Variants in PDE4D observed in about 807,000 individuals in gnomAD.
The protein encoded by PDE4D is phosphodiesterase 4D, also known as 3',5'-cyclic-AMP phosphodiesterase 4D.
Under a neutral mutation model 87.4 loss-of-function variants are expected in PDE4D, and 24 were observed. The ratio of observed to expected loss-of-function variants is 0.27; its 90% CI spans 0.20 to 0.39. PDE4D has a LOEUF of 0.39. Ranked by LOEUF, PDE4D falls within the 10% of genes least tolerant of loss-of-function variation. The pLI is 1.00. For missense variants in PDE4D, 714 were observed against 1,041.0 expected, an observed-to-expected ratio of 0.69 and a Z score of 4.32; for synonymous variants, 384 against 383.2, an observed-to-expected ratio of 1.00 and a Z score of -0.02.
At chr5:60,336,144 C>G (rs1036436191) in intron 1 of PDE4D, among the ~76,000 whole-genome samples, 63 of 152,190 alleles carry the variant, frequency 4.1e-4, no homozygotes, top group African/African-American at 1.5e-3. Context: ...TGCTTTAAAA[C>G]AGAAAGGTAA....
At chr5:59,496,889 C>T (rs1336708198) in intron 1 of PDE4D, among the ~76,000 whole-genome samples, 2 of 152,132 alleles carry the variant, frequency 1.3e-5, no homozygotes, top group Non-Finnish European at 2.9e-5. Context: ...TGAAGGCAAA[C>T]GCGCTGAAGG....
chr5:59,847,074 A>G (rs1259982996), intron 1 of PDE4D, among the ~76,000 whole-genome samples: 1 of 152,002 alleles, frequency 6.6e-6, no homozygotes, highest in Non-Finnish European at 1.5e-5. Context: ...TATGAACTCC[A>G]TGGGTGAGAG....
chr5:58,992,835 G>C (rs1028723113), intron 7 of PDE4D, among the ~76,000 whole-genome samples: 2 of 152,106 alleles, frequency 1.3e-5, no homozygotes, highest in African/African-American at 4.8e-5. Context: ...TCAAATTACT[G>C]ACCTTTATTT....
intron 1 of PDE4D, among the ~76,000 whole-genome samples, chr5:60,225,285 C>T (rs958350670): frequency 7.9e-5 from 12 of 152,022 alleles, no homozygotes; most frequent in African/African-American, 2.7e-4. Flanking sequence ...AATTTTCTTA[C>T]TTGCCTCGTA....
rs530456488 is a variant in PDE4D at position 60,071,409 on chromosome 5, A to T, written c.43-82692T>A. Among the ~76,000 whole-genome samples the T allele has an allele frequency of 2.6e-5, 4 of 152,258 alleles. No homozygotes were observed. In the South Asian group the frequency reaches 8.3e-4, roughly 32 times the overall value. The stretch of plus-strand genomic sequence containing the variant: ...TTGCCACATTAAAAGCTGCCAAATT[A>T]AATTAAGACTTAATTTGCCTTCTGT... On this transcript the variant is annotated intron_variant, in intron 2 of 16. Coordinates refer to the PDE4D transcript ENST00000502484.
At chr5:59,092,545 G>A (rs1768927693) in intron 5 of PDE4D, among the ~76,000 whole-genome samples, 1 of 131,668 alleles carries the variant, frequency 7.6e-6, no homozygotes, top group African/African-American at 2.7e-5. Context: ...TAATGGACAT[G>A]AAAAATGATT....
At chr5:60,069,004 C>G (rs994485761) in intron 2 of PDE4D, among the ~76,000 whole-genome samples, 1 of 152,130 alleles carries the variant, frequency 6.6e-6, no homozygotes, top group East Asian at 1.9e-4. Flanking sequence ...ATCTTTAAGC[C>G]ATTTCAAGTT....
chr5:60,090,533 A>G (rs887267581), intron 2 of PDE4D, among the ~76,000 whole-genome samples: 1 of 152,164 alleles, frequency 6.6e-6, no homozygotes, highest in Non-Finnish European at 1.5e-5. Context: ...ATACCTCGAA[A>G]CAATAAAGAT....
chr5:59,205,310 T>C (rs1447106841), intron 2 of PDE4D, among the ~76,000 whole-genome samples: 1 of 152,160 alleles, frequency 6.6e-6, no homozygotes, highest in East Asian at 1.9e-4. Flanking sequence ...AATTAACATA[T>C]ATATTGATGG....
rs74383912 is a variant in PDE4D, at chr5:59,645,053, G to T, written c.455+248115C>A. On this transcript the variant is annotated intron_variant, in intron 1 of 14. Coordinates refer to ENST00000340635, the MANE Select transcript of PDE4D (RefSeq NM_001104631.2). ...CATTTGAATTATTGGCTATCAAAAAGAACTTGTGGAGGAGACTTCATAAAA... is the reference window on the plus strand; with the variant it reads ...CATTTGAATTATTGGCTATCAAAAATAACTTGTGGAGGAGACTTCATAAAA... Among the ~76,000 whole-genome samples, 524 of 152,280 alleles carry T rather than the reference G, an allele frequency of 3.4e-3. 4 individuals are homozygous for T. Among genetic ancestry groups the T allele is most frequent in the African/African-American group, 0.012 (507 of 41,552 alleles).
intron 1 of PDE4D, among the ~76,000 whole-genome samples, chr5:60,364,774 T>C (rs1025110799): frequency 7.9e-5 from 12 of 152,324 alleles, no homozygotes; most frequent in African/African-American, 2.9e-4. Context: ...TATTTCTTCT[T>C]AGAAATGTAG....
At chr5:60,116,165 CA>C (rs1778153969) in intron 2 of PDE4D, among the ~76,000 whole-genome samples, 1 of 151,996 alleles carries the variant, frequency 6.6e-6, no homozygotes, top group African/African-American at 2.4e-5. Flanking sequence ...TATGGGAGGG[CA>C]AACGATGGAT....
intron 1 of PDE4D, among the ~76,000 whole-genome samples, chr5:59,345,114 A>G (rs963205580): frequency 1.3e-5 from 2 of 152,204 alleles, no homozygotes; most frequent in African/African-American, 4.8e-5. Context: ...GAAAGAAAAT[A>G]AAGGGAAAAA....
At chr5:59,594,768 T>A (rs1826435292) in intron 1 of PDE4D, among the ~76,000 whole-genome samples, 1 of 152,142 alleles carries the variant, frequency 6.6e-6, no homozygotes, top group South Asian at 2.1e-4. Flanking sequence ...ATGCCAGAGA[T>A]GTTGGAATTA....
chr5:59,572,355 CAT>C lies in PDE4D; in HGVS notation c.455+320811_455+320812del, dbSNP rs536836435. Among the ~76,000 whole-genome samples, 582 of 152,222 alleles carry C rather than the reference CAT, an allele frequency of 3.8e-3. 1 individual carries two copies. The highest frequency in any genetic ancestry group is 5.9e-3 in the Non-Finnish European group (399 of 68,000). Reference sequence around the variant, plus strand: ...AGACATACCATTTTTTAATAAGAAACATATTTTTTATTTGGATTATCCTTTTC... The same window carrying C: ...AGACATACCATTTTTTAATAAGAAACATTTTTTATTTGGATTATCCTTTTC... On this transcript the variant is annotated intron_variant, in intron 1 of 14. Coordinates refer to ENST00000340635, the MANE Select transcript of PDE4D (RefSeq NM_001104631.2).
intron 2 of PDE4D, 68 bp from the exon 3 acceptor site, chr5:59,193,604 A>G (rs556147095): frequency 1.1e-4 from 180 of 1,587,624 alleles, no homozygotes; most frequent in Non-Finnish European, 1.5e-4. Flanking sequence ...GTTCAATATT[A>G]AACGGCAAGT....
rs12658429 is a variant in PDE4D, at chr5:59,236,392, T to C, written c.456-20424A>G. Among the ~76,000 whole-genome samples the C allele has an allele frequency of 0.031, 4,677 of 152,284 alleles. 804 individuals are homozygous for C. In the East Asian group the frequency reaches 0.51, roughly 17 times the overall value. On this transcript the variant is annotated intron_variant, in intron 1 of 14. Coordinates refer to ENST00000340635, the MANE Select transcript of PDE4D (RefSeq NM_001104631.2). The stretch of plus-strand genomic sequence containing the variant: ...ATTGTCCTTTTCAATTACTGCTACA[T>C]ATCACTTTGGAGAGGCTTTTAAAAA...
intron 2 of PDE4D, among the ~76,000 whole-genome samples, chr5:59,203,400 A>G (rs552816585): frequency 3.9e-5 from 6 of 152,264 alleles, no homozygotes; most frequent in African/African-American, 1.4e-4. Context: ...AATGTAAACT[A>G]GTACAGTCAC....
At position 59,030,300 on chromosome 5, in the gene PDE4D, T is replaced by C. The variant is rs1757114027; in HGVS notation, c.921+8559A>G. 2.6e-5 allele frequency among the ~76,000 whole-genome samples: 4 copies of C among 151,372 alleles called. No homozygotes were observed. The South Asian group carries it at 6.3e-4, about 24-fold the overall frequency. ...CCATACATCTGATAAGAGGCTAATA[T>C]TCAAAATATATAAAAAATTCAAACA... On this transcript the variant is annotated intron_variant, in intron 6 of 14. Coordinates refer to ENST00000340635, the MANE Select transcript of PDE4D (RefSeq NM_001104631.2).
Sources: gnomAD v4.1 joint callset for allele counts (sites outside exome capture counted in the v4.1 genomes callset) on GRCh38, gnomAD v4.1.1 for gene constraint, MANE v1.5 for transcripts, NCBI Gene and HGNC (gene_info 2026-07-23, HGNC 2026-07-21) for gene names.